SON: variants seen among roughly 807,000 people sequenced by gnomAD.
The protein encoded by SON is SON DNA and RNA binding protein, also known as protein SON.
In SON, 4 loss-of-function variants were observed where a neutral mutation model predicts 173.3. The observed-to-expected ratio is 0.02, with a 90% CI of 0.01 to 0.05. SON has a LOEUF of 0.05. Ranked by LOEUF, SON falls within the 10% of genes least tolerant of loss-of-function variation. The pLI is 1.00. For missense variants in SON, 2,626 were observed against 3,055.3 expected, an observed-to-expected ratio of 0.86 and a Z score of 3.31; for synonymous variants, 1,190 against 1,105.9, an observed-to-expected ratio of 1.08 and a Z score of -1.51.
chr21:33,559,430 A>C lies in SON; in HGVS notation c.6468+54A>C. On this transcript the variant is annotated intron_variant, in intron 5 of 11. Coordinates refer to ENST00000356577, the MANE Select transcript of SON (RefSeq NM_138927.4). The surrounding 1 kb of genome is among the most constrained non-coding windows in gnomAD (Gnocchi z 4.1). ...AACAGTGTAACTTGTGGAACTATTT[A>C]AATAAAACCCAAATCGAATTTAGTT... 6.5e-7 allele frequency: 1 copy of C among 1,534,852 alleles called. No homozygotes were observed. The highest frequency in any genetic ancestry group is 1.4e-5 in the African/African-American group (1 of 71,746).
In SON at chr21:33,553,305, T is replaced by TGTCCTGGAGTCTTCGGCTGTGACC. The variant is rs779275354; in HGVS notation, c.4090_4113dup (p.Ala1364_Ser1371dup). The TGTCCTGGAGTCTTCGGCTGTGACC allele has an allele frequency of 7.4e-6, 12 of 1,613,534 alleles. No homozygotes were observed. The African/African-American group carries it at 8.0e-5, about 11-fold the overall frequency. On this transcript the variant is annotated inframe_insertion, in exon 3 of 12. Transcript: ENST00000356577. ...CTGCCCCAGAGTCTTCAGCTATGGC[T>TGTCCTGGAGTCTTCGGCTGTGACC]GTCCTGGAGTCTTCGGCTGTGACCG...
At chr21:33,567,559 C>T in intron 7 of SON, 2 of 342,820 alleles carry the variant, frequency 5.8e-6, no homozygotes, top group Non-Finnish European at 1.1e-5. Flanking sequence ...CAACTAAGTG[C>T]CTACAACCCT....
intron 1 of SON, among the ~76,000 whole-genome samples, chr21:33,543,874 A>G (rs1569045740): frequency 6.6e-6 from 1 of 152,028 alleles, no homozygotes; most frequent in Admixed American, 6.6e-5. Context: ...TTTTCTTGCT[A>G]CCCCTGCCCC....
chr21:33,575,193 G>A (rs1386003489), intron 9 of SON, among the ~76,000 whole-genome samples: 2 of 151,898 alleles, frequency 1.3e-5, no homozygotes, highest in African/African-American at 2.4e-5. Flanking sequence ...GCACCACCAC[G>A]CCCGGCTAAT....
chr21:33,569,702 C>G, intron 8 of SON: 1 of 417,974 alleles, frequency 2.4e-6, no homozygotes, highest in Middle Eastern at 3.5e-4. Flanking sequence ...AGTATTAGCT[C>G]TGCATGTGGT....
intron 3 of SON, among the ~76,000 whole-genome samples, chr21:33,556,611 G>A (rs2085971581): frequency 6.6e-6 from 1 of 151,858 alleles, no homozygotes; most frequent in South Asian, 2.1e-4. Context: ...CTACTCGGGA[G>A]GCTGAGACAG....
Position 33,554,386 on chromosome 21 carries a change from T to G in SON, c.5155T>G (p.Ser1719Ala). Residue 1719 changes from serine to alanine, a missense_variant, in exon 3 of 12, where the codon TCA (serine) becomes GCA (alanine). Ser to Ala is a moderately conservative substitution (Grantham distance 99). This residue lies in a region of SON where 1,006 missense variants were observed against 895.6 expected (regional missense o/e 1.12). Coordinates refer to ENST00000356577, the MANE Select transcript of SON (RefSeq NM_138927.4). Reference sequence around the variant, plus strand: ...CCCTCCTAAAGAGACACTGCCTGATTCAGGATTTTCTGCCAATATTGAGGA... The same window carrying G: ...CCCTCCTAAAGAGACACTGCCTGATGCAGGATTTTCTGCCAATATTGAGGA... ...PPPPKETLPDSGFSANIEDIN... is the reference protein window; with the variant it reads ...PPPPKETLPDAGFSANIEDIN... The G allele has an allele frequency of 3.1e-6, 5 of 1,614,154 alleles. No homozygotes were observed. The highest frequency in any genetic ancestry group is 4.2e-6 in the Non-Finnish European group (5 of 1,180,022).
In SON at chr21:33,549,372, C is replaced by T. The variant is rs1400095086; in HGVS notation, c.245-104C>T. 10 of 956,284 alleles carry T rather than the reference C, an allele frequency of 1.0e-5. No homozygotes were observed. The South Asian group carries it at 1.2e-4, about 12-fold the overall frequency. 59.2% of individuals were successfully genotyped at this position (956,284 alleles called of 1,614,324 possible). ...ACAGGCGTGAGCCACTGTACTTGGC[C>T]TGTACTAAGGTGTTTTAACATGGAA... On this transcript the variant is annotated intron_variant, in intron 2 of 11. Coordinates refer to ENST00000356577, the MANE Select transcript of SON (RefSeq NM_138927.4).
In SON at chr21:33,554,796, G is replaced by T; in HGVS notation, c.5565G>T (p.Lys1855Asn). Residue 1855 changes from lysine to asparagine, a missense_variant, in exon 3 of 12, where the codon AAG becomes AAT. Transcript: ENST00000356577. ...CAAGAAAGAGATCATCTAAGTCCAA[G>T]TCTCATCGCTCTCAGACACGTTCAC... ...SRARKRSSKS[K>N]SHRSQTRSRS... The T allele has an allele frequency of 6.2e-7, 1 of 1,613,948 alleles. No individual in the cohort carries two copies. Among genetic ancestry groups the T allele is most frequent in the Non-Finnish European group, 8.5e-7 (1 of 1,180,038 alleles).
At position 33,554,256 on chromosome 21, in the gene SON, T is replaced by A. The variant is rs758387633; in HGVS notation, c.5025T>A (p.Val1675=). 3 of 1,614,118 alleles carry A rather than the reference T, an allele frequency of 1.9e-6. No homozygotes were observed. The South Asian group carries it at 3.3e-5, about 18-fold the overall frequency. The part of the protein sequence containing the change: ...HLDLPSNNNL[V]SKDTEEPLPV... ...ATTTACCATCTAATAATAACCTTGT[T>A]AGTAAGGATACAGAAGAACCATTAC... Residue 1675 remains valine, a synonymous_variant, in exon 3 of 12, where the codon GTT becomes GTA. Transcript: ENST00000356577.
intron 9 of SON, among the ~76,000 whole-genome samples, chr21:33,573,894 C>A (rs1033885734): frequency 1.3e-5 from 2 of 152,102 alleles, no homozygotes; most frequent in Admixed American, 6.5e-5. Flanking sequence ...ATTTCATAAA[C>A]CCTGTTTGCT....
chr21:33,549,911 AGCAGTCTGT>A lies in SON; in HGVS notation c.682_690del (p.Gln228_Val230del), dbSNP rs778055557. The A allele has an allele frequency of 3.7e-6, 6 of 1,614,118 alleles. No homozygotes were observed. The African/African-American group carries it at 6.7e-5, about 18-fold the overall frequency. ...ACATCAGTAATCTCAGAGCAGTCAG[AGCAGTCTGT>A]GGCAGTAATGCCAGAACCATCCATG... On this transcript the variant is annotated inframe_deletion, in exon 3 of 12. Transcript: ENST00000356577.
chr21:33,558,461 G>C (rs529846936), intron 4 of SON: 5 of 151,982 alleles, frequency 3.3e-5, no homozygotes, highest in Non-Finnish European at 5.9e-5. Flanking sequence ...CATACATCTG[G>C]GAAAATGTAA....
At chr21:33,576,189 T>TC (rs2086396281) in intron 11 of SON, among the ~76,000 whole-genome samples, 176 bp from the exon 12 acceptor site, 1 of 86 alleles carries the variant, frequency 0.012, no homozygotes, top group Admixed American at 0.12. Flanking sequence ...AGACCTGCTC[T>TC]AATTTGCAGT....
intron 6 of SON, among the ~76,000 whole-genome samples, chr21:33,566,928 A>G (rs1389832096): frequency 6.6e-6 from 1 of 152,126 alleles, no homozygotes; most frequent in Non-Finnish European, 1.5e-5. Context: ...ATTCAGTCAG[A>G]TTTTGGGTTC....
intron 8 of SON, chr21:33,572,392 T>A: frequency 3.0e-6 from 1 of 338,316 alleles, no homozygotes; most frequent in Non-Finnish European, 6.0e-6. Flanking sequence ...TAAAAATAAC[T>A]GTTGACCATG....
chr21:33,563,348 T>C (rs184743355), intron 6 of SON, among the ~76,000 whole-genome samples: 52 of 140,016 alleles, frequency 3.7e-4, no homozygotes, highest in Non-Finnish European at 5.6e-4. Context: ...AACTGGGACA[T>C]TCTGTGGCTT....
rs1450438920 is a variant in SON, at chr21:33,557,484, A to T, written c.6321+168A>T. On this transcript the variant is annotated intron_variant, in intron 4 of 11. Coordinates refer to ENST00000356577, the MANE Select transcript of SON (RefSeq NM_138927.4). ...CGGCAGAAGCTCTGTTTAGCAGGCCATTATCCGGGATGGCTAAGCTCCGCT... is the reference window on the plus strand; with the variant it reads ...CGGCAGAAGCTCTGTTTAGCAGGCCTTTATCCGGGATGGCTAAGCTCCGCT... The T allele has an allele frequency of 3.9e-6, 6 of 1,550,752 alleles. No individual in the cohort carries two copies. The Admixed American group carries it at 1.2e-4, about 30-fold the overall frequency.
At chr21:33,571,331 T>C (rs187335236) in intron 8 of SON, among the ~76,000 whole-genome samples, 1 of 152,340 alleles carries the variant, frequency 6.6e-6, no homozygotes, top group East Asian at 1.9e-4. Context: ...TATTGTCTAC[T>C]CATTAAATGT....
Sources: gnomAD v4.1 joint callset for allele counts (sites outside exome capture counted in the v4.1 genomes callset) on GRCh38, gnomAD v4.1.1 for gene constraint, gnomAD v4.1.1 regional missense constraint, Gnocchi (gnomAD v3.1) non-coding constraint, MANE v1.5 for transcripts, NCBI Gene and HGNC (gene_info 2026-07-23, HGNC 2026-07-21) for gene names.